DOCK2: variants seen among roughly 807,000 people sequenced by gnomAD.
The protein encoded by DOCK2 is dedicator of cytokinesis 2, also known as dedicator of cytokinesis protein 2.
A neutral mutation model predicts 248.9 loss-of-function variants in DOCK2; 87 were observed. That is an observed-to-expected ratio of 0.35 (90% CI 0.29 to 0.42). DOCK2 has a LOEUF of 0.42. Among genes scored for constraint, DOCK2 ranks in the 10% least tolerant of loss-of-function variants. DOCK2 has a pLI of 1.00. For synonymous variants in DOCK2, 805 were observed against 821.6 expected (o/e 0.98, Z 0.35); for missense variants, 1,747 against 2,300.2 (o/e 0.76, Z 4.92).
chr5:169,727,119 T>A (rs998878028), intron 22 of DOCK2, among the ~76,000 whole-genome samples: 2 of 150,192 alleles, frequency 1.3e-5, no homozygotes, highest in Non-Finnish European at 2.9e-5. Context: ...AGCCAGTCCA[T>A]GGGACGAAAG....
At chr5:170,042,208 A>G (rs1041694458) in intron 38 of DOCK2, 76 bp downstream of exon 38, 15 of 1,470,750 alleles carry the variant, frequency 1.0e-5, no homozygotes, top group East Asian at 5.1e-5. Context: ...CTTACATCCA[A>G]TCCATCCTCA....
chr5:169,755,113 C>CAT (rs1764122588), intron 23 of DOCK2, among the ~76,000 whole-genome samples: 1 of 151,304 alleles, frequency 6.6e-6, no homozygotes, highest in South Asian at 2.1e-4. Context: ...ATTTTTTTTA[C>CAT]ATATATATAT....
At chr5:169,969,463 A>G (rs1266651622) in intron 27 of DOCK2, among the ~76,000 whole-genome samples, 1 of 152,186 alleles carries the variant, frequency 6.6e-6, no homozygotes, top group African/African-American at 2.4e-5. Context: ...AAGAAAAAAG[A>G]AAAAAATGAA....
intron 25 of DOCK2, among the ~76,000 whole-genome samples, chr5:169,761,852 G>A (rs1285123743): frequency 6.6e-6 from 1 of 152,192 alleles, no homozygotes; most frequent in African/African-American, 2.4e-5. Flanking sequence ...TATTTCTCTT[G>A]AGAAAGTTTA....
At chr5:169,825,848 A>T (rs571752399) in intron 26 of DOCK2, among the ~76,000 whole-genome samples, 2 of 148,016 alleles carry the variant, frequency 1.4e-5, no homozygotes, top group Non-Finnish European at 3.0e-5. Flanking sequence ...AAAAAACAAA[A>T]CAAAAAAATC....
chr5:170,026,175 G>C (rs112825644), intron 33 of DOCK2, among the ~76,000 whole-genome samples: 2,872 of 152,262 alleles, frequency 0.019, 36 homozygotes, highest in Middle Eastern at 0.048. Context: ...GTGTGAACCA[G>C]AGGGAAGAGC....
intron 27 of DOCK2, among the ~76,000 whole-genome samples, chr5:169,872,102 C>T (rs1370430340): frequency 6.6e-6 from 1 of 152,190 alleles, no homozygotes; most frequent in African/African-American, 2.4e-5. Context: ...TTCATGGCGT[C>T]TCCCTGAAGA....
At chr5:169,675,148 A>G (rs1176828084) in intron 6 of DOCK2, among the ~76,000 whole-genome samples, 1 of 152,226 alleles carries the variant, frequency 6.6e-6, no homozygotes. Flanking sequence ...TCAGTAGGGT[A>G]GGTAACTTGT....
At chr5:169,695,963 G>T (rs774024970) in intron 10 of DOCK2, 25 bp downstream of exon 10, 1 of 1,555,726 alleles carries the variant, frequency 6.4e-7, no homozygotes, top group Non-Finnish European at 8.7e-7. Context: ...CTGCATCATT[G>T]ATTTTTATGG....
At chr5:169,824,768 CA>C (rs1326024397) in intron 26 of DOCK2, among the ~76,000 whole-genome samples, 1 of 152,202 alleles carries the variant, frequency 6.6e-6, no homozygotes, top group East Asian at 1.9e-4. Context: ...CCAAAATTGA[CA>C]AATGCAATCT....
intron 27 of DOCK2, among the ~76,000 whole-genome samples, chr5:169,876,509 A>G (rs1772342971): frequency 6.6e-6 from 1 of 152,200 alleles, no homozygotes; most frequent in Non-Finnish European, 1.5e-5. Flanking sequence ...TTCCCACTAC[A>G]GTCAGGACAG....
chr5:170,062,780 T>C (rs1353714900), intron 44 of DOCK2, among the ~76,000 whole-genome samples: 1 of 151,608 alleles, frequency 6.6e-6, no homozygotes, highest in East Asian at 1.9e-4. Context: ...CTGAGAGGAG[T>C]GTAGTAAAGG....
intron 9 of DOCK2, among the ~76,000 whole-genome samples, chr5:169,691,907 G>C (rs1162294156): frequency 6.6e-6 from 1 of 151,146 alleles, no homozygotes. Context: ...CCAGGCTGGA[G>C]TGCTGTGGTG....
rs540935886 is a variant in DOCK2 at position 169,938,896 on chromosome 5, C to CTT, written c.2800-44165_2800-44164dup. On this transcript the variant is annotated intron_variant, in intron 27 of 51. Transcript: ENST00000520908. ...CCTTATTCTACAAGCATTTTTCTTT[C>CTT]TTTTTTTTCTTTTCTTTTTTTTTTT... 2.5e-3 allele frequency among the ~76,000 whole-genome samples: 365 copies of CTT among 144,998 alleles called. 5 individuals carry two copies. The South Asian group carries it at 0.047, about 19-fold the overall frequency.
chr5:170,024,108 A>G (rs2113826900), intron 33 of DOCK2, among the ~76,000 whole-genome samples: 1 of 152,324 alleles, frequency 6.6e-6, no homozygotes, highest in African/African-American at 2.4e-5. Flanking sequence ...GAGCTTCTCA[A>G]GATTTGTATT....
intron 36 of DOCK2, among the ~76,000 whole-genome samples, chr5:170,038,264 C>G (rs1756388756): frequency 1.3e-5 from 2 of 152,198 alleles, no homozygotes; most frequent in Non-Finnish European, 2.9e-5. Flanking sequence ...TTTCCTCCCT[C>G]CAACCTTGTT....
rs181362433 is a variant in DOCK2, at chr5:170,061,962, T to G, written c.4467+4296T>G. Among the ~76,000 whole-genome samples, 16 of 152,354 alleles carry G rather than the reference T, an allele frequency of 1.1e-4. 1 individual carries two copies. Among genetic ancestry groups the G allele is most frequent in the Admixed American group, 9.1e-4 (14 of 15,302 alleles). On this transcript the variant is annotated intron_variant, in intron 44 of 51. Coordinates refer to ENST00000520908, the MANE Select transcript of DOCK2 (RefSeq NM_004946.3). ...GGGTTTCACCTTGGAGGACTATGGC[T>G]GCAGCCAAGCTGGACATTGTTCTCC...
At chr5:169,715,242 T>C (rs1325007611) in intron 19 of DOCK2, among the ~76,000 whole-genome samples, 1 of 152,212 alleles carries the variant, frequency 6.6e-6, no homozygotes, top group African/African-American at 2.4e-5. Flanking sequence ...GCCTTATGAA[T>C]TGGGACAAGT....
chr5:169,693,199 G>T (rs1040921945), intron 9 of DOCK2, among the ~76,000 whole-genome samples: 3 of 152,156 alleles, frequency 2.0e-5, no homozygotes, highest in African/African-American at 7.2e-5. Context: ...TTTAAAGATG[G>T]AAAGGATGTG....
Sources: gnomAD v4.1 joint callset for allele counts (sites outside exome capture counted in the v4.1 genomes callset) on GRCh38, gnomAD v4.1.1 for gene constraint, MANE v1.5 for transcripts, NCBI Gene and HGNC (gene_info 2026-07-23, HGNC 2026-07-21) for gene names.